The following MAMDC2 variants were observed in gnomAD, a reference collection of about 807,000 sequenced individuals.
The protein encoded by MAMDC2 is MAM domain-containing protein 2.
MAMDC2 carries 57 observed loss-of-function variants against 89.8 expected under a neutral mutation model. The observed-to-expected ratio is 0.63, with a 90% CI of 0.51 to 0.79. MAMDC2 has a LOEUF of 0.79. Ranked by LOEUF, MAMDC2 falls within the 30% of genes least tolerant of loss-of-function variation. The pLI is 0.00. For missense variants in MAMDC2, 800 were observed against 820.6 expected (o/e 0.97, Z 0.31); for synonymous variants, 313 against 293.4 (o/e 1.07, Z -0.68).
At chr9:70,208,986 T>C (rs2033290243) in intron 11 of MAMDC2, among the ~76,000 whole-genome samples, 1 of 152,206 alleles carries the variant, frequency 6.6e-6, no homozygotes, top group Non-Finnish European at 1.5e-5. Flanking sequence ...GAAGCCAACT[T>C]GATCATGGTG....
At chr9:70,130,006 T>TTG (rs1563967297) in intron 6 of MAMDC2, among the ~76,000 whole-genome samples, 3 of 70,476 alleles carry the variant, frequency 4.3e-5, no homozygotes, top group Admixed American at 1.9e-4. Flanking sequence ...TCACATGGCA[T>TTG]TCTGTGTGTG....
intron 2 of MAMDC2, among the ~76,000 whole-genome samples, chr9:70,056,402 TC>T (rs1369761238): frequency 2.0e-5 from 3 of 152,214 alleles, no homozygotes; most frequent in Non-Finnish European, 4.4e-5. Flanking sequence ...CCATCTGAAA[TC>T]CCACTGTTGT....
chr9:70,190,300 C>T (rs2032851275), intron 11 of MAMDC2, among the ~76,000 whole-genome samples: 1 of 152,082 alleles, frequency 6.6e-6, no homozygotes, highest in African/African-American at 2.4e-5. Flanking sequence ...AGTGACTTTC[C>T]TAGACTAATT....
At chr9:70,196,804 A>G (rs1351641531) in intron 11 of MAMDC2, among the ~76,000 whole-genome samples, 3 of 152,116 alleles carry the variant, frequency 2.0e-5, no homozygotes, top group Non-Finnish European at 4.4e-5. Flanking sequence ...TTCAGGGCAT[A>G]TGATAAAGCC....
intron 4 of MAMDC2, among the ~76,000 whole-genome samples, chr9:70,110,389 G>A (rs372056771): frequency 1.8e-3 from 271 of 152,326 alleles, no homozygotes; most frequent in African/African-American, 5.1e-3. Context: ...GACAAGCTGT[G>A]CAGTGGAGAG....
chr9:70,104,872 G>T (rs1467057056), intron 2 of MAMDC2, among the ~76,000 whole-genome samples: 1 of 152,102 alleles, frequency 6.6e-6, no homozygotes, highest in Non-Finnish European at 1.5e-5. Flanking sequence ...AGTGGTGATG[G>T]TGCACAAATT....
chr9:70,194,890 A>C (rs1353797913), intron 11 of MAMDC2, among the ~76,000 whole-genome samples: 1 of 152,132 alleles, frequency 6.6e-6, no homozygotes, highest in African/African-American at 2.4e-5. Context: ...TCGGAACCTT[A>C]GGCCAGTATT....
intron 9 of MAMDC2, among the ~76,000 whole-genome samples, chr9:70,151,576 T>G (rs2031580562): frequency 6.6e-6 from 1 of 152,176 alleles, no homozygotes; most frequent in African/African-American, 2.4e-5. Context: ...GGGGTCTGAA[T>G]CATGGTCTAG....
intron 5 of MAMDC2, among the ~76,000 whole-genome samples, chr9:70,118,349 G>C (rs1475677714): frequency 1.5e-4 from 14 of 92,120 alleles, no homozygotes; most frequent in Admixed American, 3.0e-4. Flanking sequence ...CACACACACA[G>C]TCCTCATGCC....
intron 2 of MAMDC2, among the ~76,000 whole-genome samples, chr9:70,045,505 T>C (rs1826726289): frequency 6.6e-6 from 1 of 152,116 alleles, no homozygotes; most frequent in Non-Finnish European, 1.5e-5. Flanking sequence ...CCACAGACTA[T>C]TTGGATTGGA....
At chr9:70,131,707 A>G in intron 7 of MAMDC2, 95 bp downstream of exon 7, 6 of 884,394 alleles carry the variant, frequency 6.8e-6, no homozygotes, top group South Asian at 1.5e-5. Context: ...TAATTTTCAT[A>G]TCTTTCCCCT....
At chr9:70,049,241 C>A (rs150338456) in intron 2 of MAMDC2, among the ~76,000 whole-genome samples, 1 of 152,074 alleles carries the variant, frequency 6.6e-6, no homozygotes, top group Non-Finnish European at 1.5e-5. Flanking sequence ...TAGAATGTCC[C>A]GAAATCACGT....
intron 2 of MAMDC2, among the ~76,000 whole-genome samples, chr9:70,066,521 A>AG (rs1164298301): frequency 6.6e-6 from 1 of 152,052 alleles, no homozygotes; most frequent in Non-Finnish European, 1.5e-5. Flanking sequence ...AAGGGGAGGT[A>AG]GGGGGGCAGC....
chr9:70,105,907 G>A lies in MAMDC2; in HGVS notation c.149-2304G>A, dbSNP rs565662466. ...TCGAGTTGTACCTTCCAGCAGAACC[G>A]TTGCCTACCTCCTTTACATGCTACA... On this transcript the variant is annotated intron_variant, in intron 2 of 13. Transcript: ENST00000377182. 234 of 152,242 alleles carry A rather than the reference G, an allele frequency of 1.5e-3. 1 individual carries two copies. The highest frequency in any genetic ancestry group is 4.8e-3 in the African/African-American group (200 of 41,560). The allele number at this position is 152,242 out of a possible 1,614,324, so 9.4% of individuals were successfully genotyped here.
intron 2 of MAMDC2, among the ~76,000 whole-genome samples, chr9:70,055,345 T>C (rs1481691105): frequency 1.1e-4 from 17 of 151,700 alleles, no homozygotes; most frequent in Admixed American, 1.1e-3. Flanking sequence ...GATGAGAAAC[T>C]GTGAGACACA....
intron 11 of MAMDC2, chr9:70,217,520 T>C: frequency 1.9e-6 from 3 of 1,553,610 alleles, no homozygotes; most frequent in Non-Finnish European, 2.7e-6. Flanking sequence ...GAACAAGCTA[T>C]CAGGGCTGCT....
intron 5 of MAMDC2, among the ~76,000 whole-genome samples, chr9:70,115,402 T>A (rs867489761): frequency 5.5e-4 from 83 of 152,064 alleles, no homozygotes; most frequent in African/African-American, 2.0e-3. Flanking sequence ...TTGCACAGGC[T>A]GGAGTGCAGT....
intron 12 of MAMDC2, among the ~76,000 whole-genome samples, chr9:70,224,870 A>T (rs13293554): frequency 0.34 from 51,821 of 152,128 alleles, 11,142 homozygotes; most frequent in Non-Finnish European, 0.47. Flanking sequence ...CATCTTTGAA[A>T]CATTAATTTC....
intron 2 of MAMDC2, among the ~76,000 whole-genome samples, chr9:70,098,578 G>T (rs903286422): frequency 6.6e-6 from 1 of 152,154 alleles, no homozygotes; most frequent in African/African-American, 2.4e-5. Context: ...AATATTTGTG[G>T]AGAAGCCCAA....
Sources: allele counts gnomAD v4.1 joint callset (sites outside exome capture counted in the v4.1 genomes callset), GRCh38; gene constraint gnomAD v4.1.1; transcripts MANE v1.5; gene names NCBI Gene and HGNC (gene_info 2026-07-23, HGNC 2026-07-21).